GABPA: variants seen among roughly 807,000 people sequenced by gnomAD.
GABPA encodes the protein GA-binding protein alpha chain.
In GABPA, 4 loss-of-function variants were observed where a neutral mutation model predicts 59.4. The ratio of observed to expected loss-of-function variants is 0.07; its 90% CI spans 0.03 to 0.15. GABPA has a LOEUF of 0.15. Among genes scored for constraint, GABPA ranks in the 10% least tolerant of loss-of-function variants. The pLI, the probability that GABPA is intolerant of heterozygous loss-of-function variation, is 1.00. For synonymous variants in GABPA, 164 were observed against 183.1 expected, an observed-to-expected ratio of 0.90 and a Z score of 0.84; for missense variants, 251 against 543.8, an observed-to-expected ratio of 0.46 and a Z score of 5.36.
Position 25,760,275 on chromosome 21 carries a change from TCTTA to T in GABPA, c.749-2033_749-2030del, listed in dbSNP as rs553255524. Among the ~76,000 whole-genome samples, 647 of 152,326 alleles carry T rather than the reference TCTTA, an allele frequency of 4.2e-3. 4 individuals are homozygous for T. The highest frequency in any genetic ancestry group is 5.4e-3 in the Non-Finnish European group (364 of 68,034). On this transcript the variant is annotated intron_variant, in intron 6 of 9. Transcript: ENST00000400075. ...TAACAGACTTTCTAGAATTCACAAG[TCTTA>T]CTTCTCAGAATAGGGTTTTTTGAGC... is the stretch of plus-strand genomic sequence containing the variant.
In GABPA at chr21:25,735,107, A is replaced by G; in HGVS notation, c.-498A>G. On this transcript the variant is annotated 5_prime_UTR_variant, in exon 1 of 10. Coordinates refer to ENST00000400075, the MANE Select transcript of GABPA (RefSeq NM_002040.4). ...CGGGTCCCCTGGCACAGCCTCCGCC[A>G]TCTTTTCTTCGCCTAATTTGACCCG... 1 of 773,728 alleles carries G rather than the reference A, an allele frequency of 1.3e-6. No individual in the cohort carries two copies. The highest frequency in any genetic ancestry group is 2.2e-6 in the Non-Finnish European group (1 of 454,086). The allele number at this position is 773,728 out of a possible 1,614,324, so 47.9% of individuals were successfully genotyped here.
At chr21:25,742,495 A>G (rs934045447) in intron 2 of GABPA, among the ~76,000 whole-genome samples, 3 of 152,232 alleles carry the variant, frequency 2.0e-5, no homozygotes, top group African/African-American at 7.2e-5. Context: ...TTAAATTTTT[A>G]ATAGAGCTTT....
intron 6 of GABPA, among the ~76,000 whole-genome samples, chr21:25,760,864 C>CG (rs1568950763): frequency 6.8e-6 from 1 of 147,802 alleles, no homozygotes; most frequent in African/African-American, 2.5e-5. Flanking sequence ...CTTTCAAAAA[C>CG]TTTTTTTTTT....
chr21:25,740,507 G>A (rs1349653010), intron 1 of GABPA, among the ~76,000 whole-genome samples: 1 of 152,132 alleles, frequency 6.6e-6, no homozygotes, highest in Non-Finnish European at 1.5e-5. Flanking sequence ...AACAGAACCT[G>A]GTACTTAACA....
At chr21:25,741,712 A>C in intron 2 of GABPA, 37 bp downstream of exon 2, 1 of 1,330,752 alleles carries the variant, frequency 7.5e-7, no homozygotes, top group Non-Finnish European at 1.1e-6. Context: ...TTTTCAAAAT[A>C]TCAATATACC....
chr21:25,764,774 A>G lies in GABPA; in HGVS notation c.1123A>G (p.Ser375Gly). Residue 375 changes from serine to glycine, a missense_variant, in exon 9 of 10, where the codon AGT becomes GGT. Physicochemically the swap from Ser to Gly is moderately conservative, Grantham distance 56. Coordinates refer to ENST00000400075, the MANE Select transcript of GABPA (RefSeq NM_002040.4). The part of the protein sequence containing the change: ...NKPTMNYEKL[S>G]RALRYYYDGD... Reference sequence around the variant, plus strand: ...GCCTACGATGAACTATGAGAAACTCAGTCGTGCATTAAGGTAAGCCTTTAT... The same window carrying G: ...GCCTACGATGAACTATGAGAAACTCGGTCGTGCATTAAGGTAAGCCTTTAT... 1 of 1,584,494 alleles carries G rather than the reference A, an allele frequency of 6.3e-7. No homozygotes were observed. The highest frequency in any genetic ancestry group is 8.5e-7 in the Non-Finnish European group (1 of 1,170,718).
At chr21:25,757,959 T>A in intron 5 of GABPA, 51 bp from the exon 6 acceptor site, 2 of 1,161,400 alleles carry the variant, frequency 1.7e-6, no homozygotes, top group Non-Finnish European at 2.4e-6. Context: ...ACTGTAAATT[T>A]ACACAGTATC....
chr21:25,763,031 T>C, intron 7 of GABPA: 1 of 363,864 alleles, frequency 2.7e-6, no homozygotes, highest in Non-Finnish European at 5.3e-6. Context: ...TTCTTTACCT[T>C]TGATTCATCT....
intron 9 of GABPA, 27 bp from the exon 10 acceptor site, chr21:25,768,977 C>G: frequency 6.7e-7 from 1 of 1,488,760 alleles, no homozygotes; most frequent in Non-Finnish European, 9.3e-7. Flanking sequence ...TTTCTGAAGT[C>G]TCTAATTTTT....
intron 2 of GABPA, among the ~76,000 whole-genome samples, chr21:25,743,131 T>C (rs544431345): frequency 6.6e-6 from 1 of 152,284 alleles, no homozygotes; most frequent in South Asian, 2.1e-4. Context: ...CTCAGCAAGA[T>C]GCCTCAGTTC....
At chr21:25,741,711 T>A in intron 2 of GABPA, 36 bp downstream of exon 2, 1 of 1,342,860 alleles carries the variant, frequency 7.4e-7, no homozygotes, top group Non-Finnish European at 1.1e-6. Flanking sequence ...TTTTTCAAAA[T>A]ATCAATATAC....
chr21:25,765,792 C>T, intron 9 of GABPA, among the ~76,000 whole-genome samples: 1 of 151,926 alleles, frequency 6.6e-6, no homozygotes, highest in Non-Finnish European at 1.5e-5. Flanking sequence ...TGTATACATA[C>T]AAGTCCCCTC....
chr21:25,741,355 A>G (rs2035216494), intron 1 of GABPA, among the ~76,000 whole-genome samples: 1 of 151,842 alleles, frequency 6.6e-6, no homozygotes, highest in African/African-American at 2.4e-5. Context: ...GCTGATTTCA[A>G]ACTCCTGGGC....
intron 4 of GABPA, among the ~76,000 whole-genome samples, chr21:25,750,858 G>A (rs2123524176): frequency 6.6e-6 from 1 of 152,194 alleles, no homozygotes; most frequent in East Asian, 1.9e-4. Context: ...TGAAGGATTA[G>A]GAAATAGATT....
chr21:25,760,772 G>A (rs564799369), intron 6 of GABPA, among the ~76,000 whole-genome samples: 1 of 152,230 alleles, frequency 6.6e-6, no homozygotes, highest in East Asian at 1.9e-4. Flanking sequence ...CTTACTTTGT[G>A]TGTAGCAAGG....
intron 1 of GABPA, among the ~76,000 whole-genome samples, chr21:25,738,160 G>A (rs555769272): frequency 6.6e-5 from 10 of 152,256 alleles, no homozygotes; most frequent in African/African-American, 2.4e-4. Context: ...CCAGAGATAG[G>A]GGAATCTTAT....
chr21:25,744,340 A>G (rs917847053), intron 2 of GABPA, among the ~76,000 whole-genome samples: 2 of 152,154 alleles, frequency 1.3e-5, no homozygotes, highest in African/African-American at 2.4e-5. Context: ...ATTAAAATAT[A>G]AATAAATATT....
chr21:25,737,648 A>G (rs1209356496), intron 1 of GABPA, among the ~76,000 whole-genome samples: 1 of 152,214 alleles, frequency 6.6e-6, no homozygotes, highest in African/African-American at 2.4e-5. Flanking sequence ...CTGATACGCC[A>G]TTAGGGCCAC....
chr21:25,739,118 T>A (rs1168436312), intron 1 of GABPA, among the ~76,000 whole-genome samples: 2 of 152,194 alleles, frequency 1.3e-5, no homozygotes, highest in African/African-American at 4.8e-5. Context: ...ACCCTTTTAT[T>A]GTTCGTCCTT....
Sources: gnomAD v4.1 joint callset for allele counts (sites outside exome capture counted in the v4.1 genomes callset) on GRCh38, gnomAD v4.1.1 for gene constraint, MANE v1.5 for transcripts, NCBI Gene and HGNC (gene_info 2026-07-23, HGNC 2026-07-21) for gene names.